The following PANK2 variants were observed in gnomAD, a reference collection of about 807,000 sequenced individuals.
PANK2 encodes pantothenate kinase 2.
In PANK2, 36 loss-of-function variants were observed where a neutral mutation model predicts 43.1. The ratio of observed to expected loss-of-function variants is 0.84; its 90% CI spans 0.64 to 1.10. PANK2 has a LOEUF of 1.10. Among genes scored for constraint, PANK2 ranks in the 50% least tolerant of loss-of-function variants. PANK2 has a pLI of 0.00. For missense variants in PANK2, 576 were observed against 593.3 expected, an observed-to-expected ratio of 0.97 and a Z score of 0.30; for synonymous variants, 281 against 238.2, an observed-to-expected ratio of 1.18 and a Z score of -1.66.
At chr20:3,911,855 A>T (rs2090473531) in intron 3 of PANK2, among the ~76,000 whole-genome samples, 1 of 151,764 alleles carries the variant, frequency 6.6e-6, no homozygotes, top group South Asian at 2.1e-4. Context: ...GTGCCATTGT[A>T]CTCTAGCCTG....
At chr20:3,899,973 G>C (rs1406685350) in intron 1 of PANK2, among the ~76,000 whole-genome samples, 2 of 151,764 alleles carry the variant, frequency 1.3e-5, no homozygotes, top group Admixed American at 6.6e-5. Flanking sequence ...CAATGTGCTG[G>C]GATTACAGGC....
At chr20:3,893,249 G>C (rs2146817356) in intron 1 of PANK2, among the ~76,000 whole-genome samples, 1 of 152,252 alleles carries the variant, frequency 6.6e-6, no homozygotes, top group African/African-American at 2.4e-5. Context: ...CTTGACTTCA[G>C]ATCCAGTGTT....
chr20:3,893,832 C>T (rs113002038), intron 1 of PANK2, among the ~76,000 whole-genome samples: 2,501 of 151,330 alleles, frequency 0.017, 81 homozygotes, highest in African/African-American at 0.058. Context: ...GGAATTAGGA[C>T]GGATTGACCC....
intron 4 of PANK2, among the ~76,000 whole-genome samples, chr20:3,914,073 G>A (rs943299538): frequency 2.8e-4 from 42 of 152,150 alleles, no homozygotes; most frequent in Middle Eastern, 3.4e-3. Context: ...ACAGGCGTGA[G>A]CCACTGCGCC....
At chr20:3,913,493 G>A (rs968091403) in intron 4 of PANK2, among the ~76,000 whole-genome samples, 3 of 151,806 alleles carry the variant, frequency 2.0e-5, no homozygotes, top group Admixed American at 6.6e-5. Flanking sequence ...ACAGGCATGC[G>A]CCACCAAGCC....
chr20:3,902,392 C>G (rs1451328031), intron 1 of PANK2, among the ~76,000 whole-genome samples: 1 of 151,604 alleles, frequency 6.6e-6, no homozygotes, highest in Non-Finnish European at 1.5e-5. Flanking sequence ...TACAGTGGGA[C>G]AATCTTGGCT....
At chr20:3,913,050 A>T (rs1225640184) in intron 4 of PANK2, among the ~76,000 whole-genome samples, 1 of 151,492 alleles carries the variant, frequency 6.6e-6, no homozygotes, top group Non-Finnish European at 1.5e-5. Context: ...CGTACAATTT[A>T]GTGGTTTCTA....
In PANK2 at chr20:3,927,410, A is replaced by C. The variant is rs1244745036; in HGVS notation, c.*4116A>C. 1 of 151,910 alleles carries C rather than the reference A, an allele frequency of 6.6e-6. No individual in the cohort carries two copies. The highest frequency in any genetic ancestry group is 1.5e-5 in the Non-Finnish European group (1 of 68,004). The allele number at this position is 151,910 out of a possible 1,614,324, so 9.4% of individuals were successfully genotyped here. A position where few individuals can be genotyped will look rare whatever the true frequency, so the allele number is the denominator to read the frequency against. On this transcript the variant is annotated 3_prime_UTR_variant, in exon 7 of 7. Coordinates refer to ENST00000610179, the MANE Select transcript of PANK2 (RefSeq NM_001386393.1). ...AAATGCATTAAAATTTTAAAATAGC[A>C]ATTAAATATACAAAAATATAGCTTA...
intron 1 of PANK2, chr20:3,891,468 A>T (rs1302358534): frequency 6.6e-6 from 1 of 152,222 alleles, no homozygotes; most frequent in Non-Finnish European, 1.5e-5. Flanking sequence ...TTGCCCGGTC[A>T]AATGGCTAGT....
chr20:3,889,749 C>T (rs2090083754), intron 1 of PANK2, 21 bp downstream of exon 1: 2 of 1,591,334 alleles, frequency 1.3e-6, no homozygotes, highest in African/African-American at 1.3e-5. Flanking sequence ...CGTGGGGCGC[C>T]CTCCCGGCCC....
Position 3,889,740 on chromosome 20 carries a change from G to A in PANK2, c.298+12G>A, listed in dbSNP as rs1178453098. ...GAAAAAGCGGCCGCGTAAGTGTTCC[G>A]TGGGGCGCCCTCCCGGCCCGCCCTG... On this transcript the variant is annotated intron_variant, in intron 1 of 6. Coordinates refer to ENST00000610179, the MANE Select transcript of PANK2 (RefSeq NM_001386393.1). 6.3e-7 allele frequency: 1 copy of A among 1,594,474 alleles called. No homozygotes were observed. Among genetic ancestry groups the A allele is most frequent in the East Asian group, 2.2e-5 (1 of 44,750 alleles).
chr20:3,920,744 C>T (rs1432785408), intron 6 of PANK2, among the ~76,000 whole-genome samples: 2 of 151,950 alleles, frequency 1.3e-5, no homozygotes, highest in Non-Finnish European at 2.9e-5. Context: ...ACTTGGGAGG[C>T]TGAGGTGGGA....
chr20:3,889,013 C>A (rs2090059674), upstream of PANK2: 2 of 1,078,294 alleles, frequency 1.9e-6, no homozygotes, highest in Non-Finnish European at 2.6e-6. Context: ...CACGGAGCAG[C>A]GGGGTGGGAC....
chr20:3,917,056 G>A lies in PANK2; in HGVS notation c.1206+6G>A, dbSNP rs977575407. ...GAATGTGTGCCCTTAATGAAGTAAG[G>A]GGACATGGATTTCTTTAATTGCTCT... is the stretch of plus-strand genomic sequence containing the variant. On this transcript the variant is annotated splice_donor_region_variant and intron_variant, in intron 5 of 6. Coordinates refer to ENST00000610179, the MANE Select transcript of PANK2 (RefSeq NM_001386393.1). The A allele has an allele frequency of 3.1e-6, 5 of 1,613,838 alleles. No homozygotes were observed. In the African/African-American group the frequency reaches 5.3e-5, roughly 17 times the overall value.
upstream of PANK2, chr20:3,889,039 G>T: frequency 1.4e-6 from 2 of 1,391,692 alleles, no homozygotes; most frequent in Non-Finnish European, 1.9e-6. Context: ...GTCGCCCCAG[G>T]AGAGTTCCGC....
At chr20:3,920,278 G>C (rs1381734333) in intron 6 of PANK2, among the ~76,000 whole-genome samples, 1 of 151,948 alleles carries the variant, frequency 6.6e-6, no homozygotes. Context: ...TTGGGAGGCT[G>C]AGATGGGCAG....
Position 3,889,548 on chromosome 20 carries a change from C to T in PANK2, c.118C>T (p.Gln40Ter), listed in dbSNP as rs1421161193. ...CACCTCCGTCTCGTCGGCTGGGGAG[C>T]AGGCGGCCGGGGACCCCGAAGGGCG... The change falls in exon 1 of 7, where the codon CAG (glutamine) becomes TAG (stop). Residue 40 changes from glutamine to a stop codon, truncating the protein, a stop_gained. Transcript: ENST00000610179. LOFTEE classifies it high-confidence loss of function. 1.1e-5 allele frequency: 16 copies of T among 1,421,800 alleles called. No homozygotes were observed. The highest frequency in any genetic ancestry group is 1.5e-5 in the Non-Finnish European group (16 of 1,099,030). The allele number at this position is 1,421,800 out of a possible 1,614,324, so 88.1% of individuals were successfully genotyped here. A position where few individuals can be genotyped will look rare whatever the true frequency, so the allele number is the denominator to read the frequency against.
At position 3,929,210 on chromosome 20, in the gene PANK2, C is replaced by CA. The variant is rs2090781101; in HGVS notation, c.*5917dup. ...AGAGTGAGGAGGCCAGCCTGGGCAA[C>CA]ATAGTGAGTTGAGACCTGTCTCTAC... On this transcript the variant is annotated 3_prime_UTR_variant, in exon 7 of 7. Coordinates refer to ENST00000610179, the MANE Select transcript of PANK2 (RefSeq NM_001386393.1). The CA allele has an allele frequency of 6.6e-6, 1 of 152,244 alleles. No homozygotes were observed. Among genetic ancestry groups the CA allele is most frequent in the Non-Finnish European group, 1.5e-5 (1 of 68,110 alleles). 9.4% of individuals were successfully genotyped at this position (152,244 alleles called of 1,614,324 possible).
Position 3,896,009 on chromosome 20 carries a change from A to C in PANK2, c.298+6281A>C, listed in dbSNP as rs2090200731. 2.0e-5 allele frequency among the ~76,000 whole-genome samples: 3 copies of C among 152,036 alleles called. No homozygotes were observed. In the South Asian group the frequency reaches 6.2e-4, roughly 32 times the overall value. On this transcript the variant is annotated intron_variant, in intron 1 of 6. Coordinates refer to ENST00000610179, the MANE Select transcript of PANK2 (RefSeq NM_001386393.1). ...CATTAACCATCTGTGGTCTGGTAAA[A>C]GTGTAGTTCATAATATTGGAAAATT... is the stretch of plus-strand genomic sequence containing the variant.
Sources: gnomAD v4.1 joint callset for allele counts (sites outside exome capture counted in the v4.1 genomes callset) on GRCh38, gnomAD v4.1.1 for gene constraint, MANE v1.5 for transcripts, NCBI Gene and HGNC (gene_info 2026-07-23, HGNC 2026-07-21) for gene names.